Variants in SDK1 observed in about 807,000 individuals in gnomAD.
SDK1 encodes the protein protein sidekick-1.
A neutral mutation model predicts 245.5 loss-of-function variants in SDK1; 157 were observed. The observed-to-expected ratio is 0.64, with a 90% CI of 0.56 to 0.73. SDK1 has a LOEUF of 0.73. SDK1 is among the 30% of genes least tolerant of loss of function. The pLI is 0.00. For synonymous variants in SDK1, 1,647 were observed against 1,278.5 expected (o/e 1.29, Z -6.15); for missense variants, 3,583 against 3,002.3 (o/e 1.19, Z -4.52).
At chr7:3,863,101 G>A (rs928053501) in intron 5 of SDK1, among the ~76,000 whole-genome samples, 2 of 152,210 alleles carry the variant, frequency 1.3e-5, no homozygotes, top group Non-Finnish European at 2.9e-5. Context: ...TAGAGGATGA[G>A]CAGAGGACTG....
At chr7:3,454,924 A>C (rs1160611631) in intron 1 of SDK1, among the ~76,000 whole-genome samples, 1 of 152,188 alleles carries the variant, frequency 6.6e-6, no homozygotes, top group East Asian at 1.9e-4. Flanking sequence ...TTCCAGAGTG[A>C]CTGTACCATT....
chr7:3,989,262 G>C lies in SDK1; in HGVS notation c.2131+1940G>C, dbSNP rs532269522. Among the ~76,000 whole-genome samples the C allele has an allele frequency of 7.2e-5, 11 of 152,332 alleles. No individual in the cohort carries two copies. The East Asian group carries it at 1.4e-3, about 19-fold the overall frequency. Reference sequence around the variant, plus strand: ...GAAAGTCATGTCTCACATGGCGGCAGACAAGAGAAGACAGCTTGTGCAGGA... The same window carrying C: ...GAAAGTCATGTCTCACATGGCGGCACACAAGAGAAGACAGCTTGTGCAGGA... On this transcript the variant is annotated intron_variant, in intron 14 of 44. Transcript: ENST00000404826.
intron 32 of SDK1, among the ~76,000 whole-genome samples, chr7:4,172,122 G>A (rs555897458): frequency 1.1e-4 from 17 of 152,306 alleles, no homozygotes; most frequent in Non-Finnish European, 1.8e-4. Context: ...ATGCTTTTCC[G>A]CGTCTGAGGG....
intron 4 of SDK1, among the ~76,000 whole-genome samples, chr7:3,786,425 A>G (rs770247850): frequency 9.2e-5 from 14 of 152,308 alleles, no homozygotes; most frequent in Non-Finnish European, 1.5e-4. Context: ...TAAAAAACAT[A>G]CCAGATAGTT....
chr7:3,568,851 G>T (rs1780010410), intron 1 of SDK1, among the ~76,000 whole-genome samples: 1 of 152,106 alleles, frequency 6.6e-6, no homozygotes, highest in Non-Finnish European at 1.5e-5. Context: ...CCCTAGCTAG[G>T]AGCATATATT....
Position 4,132,332 on chromosome 7 carries a change from C to G in SDK1, c.4137C>G (p.Gly1379=), listed in dbSNP as rs777691366. Reference sequence around the variant, plus strand: ...TGTGGTTTTTCCCTTCAGCCCCAGGCCCACCAGTGAGGCTCGTGTTCCCCG... The same window carrying G: ...TGTGGTTTTTCCCTTCAGCCCCAGGGCCACCAGTGAGGCTCGTGTTCCCCG... ...ILERTKDDAP[G]PPVRLVFPEV... Residue 1379 remains glycine, a synonymous_variant, in exon 28 of 45, where the codon GGC becomes GGG. Coordinates refer to ENST00000404826, the MANE Select transcript of SDK1 (RefSeq NM_152744.4). 26 of 1,610,952 alleles carry G rather than the reference C, an allele frequency of 1.6e-5. No individual in the cohort carries two copies. Among genetic ancestry groups the G allele is most frequent in the Non-Finnish European group, 2.2e-5 (26 of 1,177,770 alleles).
intron 1 of SDK1, among the ~76,000 whole-genome samples, chr7:3,583,466 T>C (rs1005501226): frequency 2.0e-5 from 3 of 152,170 alleles, no homozygotes; most frequent in Non-Finnish European, 4.4e-5. Flanking sequence ...GCTGGAAATA[T>C]GTGAGGAGCT....
chr7:4,021,589 C>G (rs934069310), intron 17 of SDK1, among the ~76,000 whole-genome samples: 1 of 152,176 alleles, frequency 6.6e-6, no homozygotes, highest in African/African-American at 2.4e-5. Flanking sequence ...GCACGTGCCT[C>G]AGGTCACAAG....
chr7:3,312,375 G>A (rs1306578640), intron 1 of SDK1, among the ~76,000 whole-genome samples: 3 of 152,142 alleles, frequency 2.0e-5, no homozygotes, highest in Admixed American at 6.6e-5. Flanking sequence ...ATGAATCACC[G>A]TGAAGGAGAG....
intron 40 of SDK1, among the ~76,000 whole-genome samples, chr7:4,226,271 C>T (rs115486886): frequency 1.4e-4 from 21 of 152,322 alleles, no homozygotes; most frequent in African/African-American, 4.3e-4. Flanking sequence ...ATCTGGGAGA[C>T]GGGCACTCGG....
chr7:3,395,411 A>G (rs929488739), intron 1 of SDK1, among the ~76,000 whole-genome samples: 4 of 151,848 alleles, frequency 2.6e-5, no homozygotes, highest in African/African-American at 9.7e-5. Context: ...TGTGAGAGAT[A>G]CTGGTTTGTA....
At chr7:3,350,346 G>A (rs934632839) in intron 1 of SDK1, among the ~76,000 whole-genome samples, 8 of 152,190 alleles carry the variant, frequency 5.3e-5, no homozygotes, top group Admixed American at 3.9e-4. Flanking sequence ...AGTGGAAATG[G>A]ATGTGGTGTG....
chr7:3,777,151 G>A (rs1181973091), intron 4 of SDK1, among the ~76,000 whole-genome samples: 4 of 152,176 alleles, frequency 2.6e-5, no homozygotes, highest in Non-Finnish European at 2.9e-5. Flanking sequence ...AAGTGTCACT[G>A]TAGGGCTGTA....
chr7:4,245,775 G>A lies in SDK1; in HGVS notation c.6351G>A (p.Lys2117=), dbSNP rs775956310. The change falls in exon 44 of 45, where the codon AAG becomes AAA. Residue 2117 remains lysine (K), a synonymous_variant. Coordinates refer to ENST00000404826, the MANE Select transcript of SDK1 (RefSeq NM_152744.4). ...TGCTGACCGAGAGCGTGAGCCTCAA[G>A]GAGAAGTCGGCAGATGCATCAGAAT... ...GAVLTESVSL[K]EKSADASESE... is the part of the protein sequence containing the mutation. 1.4e-5 allele frequency: 22 copies of A among 1,613,998 alleles called. No homozygotes were observed. Among genetic ancestry groups the A allele is most frequent in the Non-Finnish European group, 1.8e-5 (21 of 1,179,976 alleles).
intron 5 of SDK1, among the ~76,000 whole-genome samples, chr7:3,939,753 C>T (rs941191943): frequency 2.6e-5 from 4 of 152,174 alleles, no homozygotes; most frequent in African/African-American, 9.7e-5. Flanking sequence ...TATCCAGATG[C>T]CTGCTCCCCT....
chr7:3,665,568 C>T (rs924308975), intron 4 of SDK1, among the ~76,000 whole-genome samples: 2 of 152,136 alleles, frequency 1.3e-5, no homozygotes, highest in Non-Finnish European at 2.9e-5. Context: ...TTGTCTTGTG[C>T]CTGACTAGTT....
chr7:3,744,651 A>C (rs549508488), intron 4 of SDK1, among the ~76,000 whole-genome samples: 1 of 152,146 alleles, frequency 6.6e-6, no homozygotes, highest in African/African-American at 2.4e-5. Context: ...CTCTACTACA[A>C]ATACAAAAAA....
intron 43 of SDK1, among the ~76,000 whole-genome samples, chr7:4,242,366 C>T (rs1292030595): frequency 6.6e-6 from 1 of 152,156 alleles, no homozygotes; most frequent in South Asian, 2.1e-4. Flanking sequence ...ATACACATTG[C>T]CATTCCATAC....
chr7:4,159,207 C>A (rs932811480), intron 31 of SDK1, among the ~76,000 whole-genome samples: 38 of 152,350 alleles, frequency 2.5e-4, no homozygotes, highest in African/African-American at 8.9e-4. Context: ...AAAGCACTGT[C>A]TTTTCCATTT....
Sources: allele counts gnomAD v4.1 joint callset (sites outside exome capture counted in the v4.1 genomes callset), GRCh38; gene constraint gnomAD v4.1.1; transcripts MANE v1.5; gene names NCBI Gene and HGNC (gene_info 2026-07-23, HGNC 2026-07-21).